Variants in ADARB2 observed in about 807,000 individuals in gnomAD.
ADARB2 encodes adenosine deaminase RNA specific B2 (inactive).
Under a neutral mutation model 62.2 loss-of-function variants are expected in ADARB2, and 25 were observed. The observed-to-expected ratio is 0.40, with a 90% confidence interval of 0.29 to 0.56. The LOEUF is 0.56. Among genes scored for constraint, ADARB2 ranks in the 20% least tolerant of loss-of-function variants. The pLI is 0.43. For missense variants in ADARB2, 1,071 were observed against 1,077.4 expected (o/e 0.99, Z 0.08); for synonymous variants, 572 against 500.8 (o/e 1.14, Z -1.90).
At chr10:1,207,786 C>G (rs1202887039) in intron 7 of ADARB2, among the ~76,000 whole-genome samples, 1 of 152,162 alleles carries the variant, frequency 6.6e-6, no homozygotes, top group Non-Finnish European at 1.5e-5. Flanking sequence ...AATTAGAAAC[C>G]ATATCTGAAG....
chr10:1,681,371 T>C (rs11250724), intron 1 of ADARB2, among the ~76,000 whole-genome samples: 17,187 of 152,154 alleles, frequency 0.11, 1,061 homozygotes, highest in East Asian at 0.23. Flanking sequence ...TCCCAACAAC[T>C]TGTGGAAGAA....
chr10:1,419,481 G>A (rs1832835028), intron 1 of ADARB2, among the ~76,000 whole-genome samples: 1 of 152,152 alleles, frequency 6.6e-6, no homozygotes, highest in Admixed American at 6.5e-5. Context: ...AGTTTATCTT[G>A]GCTCATGCAT....
In ADARB2 at chr10:1,374,630, C is replaced by A. The variant is rs531337113; in HGVS notation, c.187+4444G>T. The stretch of plus-strand genomic sequence containing the variant: ...CTGCCCTCCCTCTGCCCGCCGTATG[C>A]AGCGCTGCGCTTGCTCCAGAGCTCA... On this transcript the variant is annotated intron_variant, in intron 2 of 9. Coordinates refer to ENST00000381312, the MANE Select transcript of ADARB2 (RefSeq NM_018702.4). 2.0e-4 allele frequency among the ~76,000 whole-genome samples: 31 copies of A among 152,310 alleles called. No homozygotes were observed. The Middle Eastern group carries it at 0.01, about 50-fold the overall frequency.
At chr10:1,588,625 C>T (rs1833210007) in intron 1 of ADARB2, among the ~76,000 whole-genome samples, 1 of 152,106 alleles carries the variant, frequency 6.6e-6, no homozygotes, top group Non-Finnish European at 1.5e-5. Flanking sequence ...ATGCCTGATA[C>T]CGAGCTCGGA....
At chr10:1,438,371 G>A (rs1209915591) in intron 1 of ADARB2, among the ~76,000 whole-genome samples, 2 of 137,434 alleles carry the variant, frequency 1.5e-5, no homozygotes, top group African/African-American at 3.0e-5. Context: ...CTCAGCAGAT[G>A]GAAGGAGGTC....
chr10:1,526,020 T>G (rs1277255888), intron 1 of ADARB2, among the ~76,000 whole-genome samples: 1 of 152,206 alleles, frequency 6.6e-6, no homozygotes, highest in Non-Finnish European at 1.5e-5. Flanking sequence ...CGTGTTTGTG[T>G]ATGTGTGTAT....
At chr10:1,457,969 G>A (rs183623390) in intron 1 of ADARB2, among the ~76,000 whole-genome samples, 1 of 150,942 alleles carries the variant, frequency 6.6e-6, no homozygotes, top group East Asian at 2.0e-4. Context: ...CTCCAAGAAC[G>A]TAACCATTTG....
intron 4 of ADARB2, among the ~76,000 whole-genome samples, chr10:1,252,699 T>C (rs1831047477): frequency 6.6e-6 from 1 of 152,100 alleles, no homozygotes; most frequent in Non-Finnish European, 1.5e-5. Context: ...CTGCTTCCAT[T>C]CTCTATATTT....
chr10:1,574,445 A>G (rs548784919), intron 1 of ADARB2, among the ~76,000 whole-genome samples: 6 of 152,280 alleles, frequency 3.9e-5, no homozygotes, highest in African/African-American at 1.2e-4. Flanking sequence ...AAGTCTTCTT[A>G]GACTTTCCTG....
chr10:1,704,455 A>G lies in ADARB2; in HGVS notation c.100+32596T>C, dbSNP rs1281829478. On this transcript the variant is annotated intron_variant, in intron 1 of 9. Transcript: ENST00000381312. The surrounding 1 kb of genome is among the most constrained non-coding windows in gnomAD (Gnocchi z 5.6). ...CCTTACAAGCACAGTTAGCAATAGG[A>G]TCCCCACTCCTATAGGAATCTAATG... is the stretch of plus-strand genomic sequence containing the variant. 6.6e-6 allele frequency among the ~76,000 whole-genome samples: 1 copy of G among 152,144 alleles called. No individual in the cohort carries two copies. Among genetic ancestry groups the G allele is most frequent in the Non-Finnish European group, 1.5e-5 (1 of 68,034 alleles).
chr10:1,533,288 C>CTT (rs5782582), intron 1 of ADARB2, among the ~76,000 whole-genome samples: 335 of 142,576 alleles, frequency 2.3e-3, no homozygotes, highest in Middle Eastern at 3.5e-3. Flanking sequence ...CTGGCTCATT[C>CTT]TTTTTTTTTT....
In ADARB2 at chr10:1,667,364, A is replaced by T. The variant is rs188617172; in HGVS notation, c.100+69687T>A. On this transcript the variant is annotated intron_variant, in intron 1 of 9. Coordinates refer to ENST00000381312, the MANE Select transcript of ADARB2 (RefSeq NM_018702.4). ...TTTTTAAGGACTGTAGAGACACTCA[A>T]ATTTGGTGTATTTAAGTTGAACTCA... Among the ~76,000 whole-genome samples the T allele has an allele frequency of 3.9e-5, 6 of 152,334 alleles. No individual in the cohort carries two copies. The East Asian group carries it at 7.7e-4, about 20-fold the overall frequency.
intron 1 of ADARB2, among the ~76,000 whole-genome samples, chr10:1,566,343 C>G (rs1832862201): frequency 6.6e-6 from 1 of 152,204 alleles, no homozygotes; most frequent in South Asian, 2.1e-4. Flanking sequence ...TATTTTCAGT[C>G]TACACATGTG....
chr10:1,598,500 G>C (rs140361375), intron 1 of ADARB2, among the ~76,000 whole-genome samples: 117 of 152,356 alleles, frequency 7.7e-4, no homozygotes, highest in Non-Finnish European at 1.3e-4. Flanking sequence ...GATGCCCACA[G>C]TAGACAAATA....
intron 1 of ADARB2, among the ~76,000 whole-genome samples, chr10:1,447,984 G>A (rs1048138859): frequency 6.6e-5 from 10 of 152,168 alleles, no homozygotes; most frequent in Non-Finnish European, 1.2e-4. Flanking sequence ...TACCACTGAT[G>A]GGCATTCAGG....
At chr10:1,510,660 T>A (rs900578230) in intron 1 of ADARB2, among the ~76,000 whole-genome samples, 9 of 152,220 alleles carry the variant, frequency 5.9e-5, no homozygotes, top group African/African-American at 2.2e-4. Flanking sequence ...ATAGAATCAA[T>A]GACACCTTAG....
chr10:1,393,007 G>T (rs1832583560), intron 1 of ADARB2, among the ~76,000 whole-genome samples: 1 of 152,198 alleles, frequency 6.6e-6, no homozygotes, highest in South Asian at 2.1e-4. Context: ...TTTGTAGGAA[G>T]TAGTCTCTCT....
chr10:1,593,696 CTG>C (rs1291912820), intron 1 of ADARB2, among the ~76,000 whole-genome samples: 1 of 152,200 alleles, frequency 6.6e-6, no homozygotes, highest in Admixed American at 6.5e-5. Context: ...TTGCTTATAA[CTG>C]TGGCTCCTCA....
intron 4 of ADARB2, among the ~76,000 whole-genome samples, chr10:1,256,597 C>T (rs1413547775): frequency 6.6e-6 from 1 of 152,074 alleles, no homozygotes; most frequent in Non-Finnish European, 1.5e-5. Context: ...GGGTAGGATA[C>T]CACATATATC....
Sources: allele counts gnomAD v4.1 joint callset (sites outside exome capture counted in the v4.1 genomes callset), GRCh38; gene constraint gnomAD v4.1.1; non-coding constraint Gnocchi (gnomAD v3.1); transcripts MANE v1.5; gene names NCBI Gene and HGNC (gene_info 2026-07-23, HGNC 2026-07-21).